ASTN2: variants seen among roughly 807,000 people sequenced by gnomAD.
ASTN2 encodes the protein astrotactin 2, also known as astrotactin-2.
Under a neutral mutation model 139.8 loss-of-function variants are expected in ASTN2, and 54 were observed. The observed-to-expected ratio is 0.39, with a 90% CI of 0.31 to 0.48. ASTN2 has a LOEUF of 0.48. ASTN2 is among the 20% of genes least tolerant of loss of function. The probability of loss-of-function intolerance (pLI) is 0.95; values close to 1 mark genes in which losing one functional copy is unlikely to be tolerated. For missense variants in ASTN2, 1,565 were observed against 1,725.1 expected (o/e 0.91, Z 1.64); for synonymous variants, 756 against 719.5 (o/e 1.05, Z -0.81).
rs1855615621 is a variant in ASTN2, at chr9:116,612,787, C to T, written c.3355+5537G>A. On this transcript the variant is annotated intron_variant, in intron 19 of 22. Transcript: ENST00000313400. ...AAGCAAGAAAGATCTGAAACTGACA[C>T]CCTAACATCATAATTAAAAGAACTA... is the stretch of plus-strand genomic sequence containing the variant. The T allele has an allele frequency of 1.3e-5, 2 of 151,734 alleles. 1 individual carries two copies. Among genetic ancestry groups the T allele is most frequent in the African/African-American group, 4.8e-5 (2 of 41,308 alleles). 9.4% of individuals were successfully genotyped at this position (151,734 alleles called of 1,614,324 possible). A position where few individuals can be genotyped will look rare whatever the true frequency, so the allele number is the denominator to read the frequency against.
intron 2 of ASTN2, among the ~76,000 whole-genome samples, chr9:117,215,165 C>G (rs1832273166): frequency 6.6e-6 from 1 of 152,142 alleles, no homozygotes; most frequent in East Asian, 1.9e-4. Context: ...CTGAGCATCC[C>G]AAGGACAGTT....
chr9:116,967,503 G>A (rs1836046795), intron 10 of ASTN2, among the ~76,000 whole-genome samples: 1 of 152,184 alleles, frequency 6.6e-6, no homozygotes, highest in South Asian at 2.1e-4. Context: ...ATGGACTTGA[G>A]AGTCTACCTG....
intron 11 of ASTN2, among the ~76,000 whole-genome samples, chr9:116,838,941 TG>T (rs1832104620): frequency 6.6e-6 from 1 of 152,198 alleles, no homozygotes; most frequent in African/African-American, 2.4e-5. Context: ...TGGAATTGAT[TG>T]AACATGTTTT....
intron 19 of ASTN2, among the ~76,000 whole-genome samples, chr9:116,569,914 T>C (rs1292594191): frequency 6.6e-6 from 1 of 152,190 alleles, no homozygotes; most frequent in Non-Finnish European, 1.5e-5. Context: ...GAGTCTAATG[T>C]ATTCCGTCAT....
intron 13 of ASTN2, among the ~76,000 whole-genome samples, chr9:116,764,742 T>C (rs1315042304): frequency 6.6e-6 from 1 of 152,214 alleles, no homozygotes; most frequent in African/African-American, 2.4e-5. Context: ...GAGTTTAGAG[T>C]ACAATAAGCT....
rs914390287 is a variant in ASTN2 at position 117,352,528 on chromosome 9, A to C, written c.443-61015T>G. Among the ~76,000 whole-genome samples, 4 of 152,214 alleles carry C rather than the reference A, an allele frequency of 2.6e-5. No individual in the cohort carries two copies. In the East Asian group the frequency reaches 7.7e-4, roughly 29 times the overall value. ...AACAGTTGTTGAGCTTCCAATGCACAGGGATTGAGGCACCAAGGGATAGTA... is the reference window on the plus strand; with the variant it reads ...AACAGTTGTTGAGCTTCCAATGCACCGGGATTGAGGCACCAAGGGATAGTA... On this transcript the variant is annotated intron_variant, in intron 1 of 22. Transcript: ENST00000313400.
chr9:116,977,915 T>C (rs1291740851), intron 7 of ASTN2, among the ~76,000 whole-genome samples: 1 of 151,862 alleles, frequency 6.6e-6, no homozygotes, highest in Admixed American at 6.6e-5. Context: ...TGGGGTTTTG[T>C]TATATTGACC....
intron 9 of ASTN2, among the ~76,000 whole-genome samples, 157 bp downstream of exon 9, chr9:116,975,957 G>C (rs1275748549): frequency 1.3e-5 from 2 of 152,174 alleles, no homozygotes; most frequent in African/African-American, 4.8e-5. Flanking sequence ...ATAGCAACCT[G>C]CGCCATGATG....
chr9:117,290,980 A>T (rs189242469), intron 2 of ASTN2, among the ~76,000 whole-genome samples: 52 of 152,334 alleles, frequency 3.4e-4, no homozygotes, highest in African/African-American at 1.2e-3. Flanking sequence ...TGGAATGGCC[A>T]GTTGTATTCT....
chr9:117,218,353 A>G (rs1832401777), intron 2 of ASTN2, among the ~76,000 whole-genome samples: 1 of 152,186 alleles, frequency 6.6e-6, no homozygotes, highest in African/African-American at 2.4e-5. Flanking sequence ...CCCTGAACTC[A>G]GCTTCCATCA....
At chr9:116,619,210 G>C (rs758956737) in intron 18 of ASTN2, among the ~76,000 whole-genome samples, 11 of 152,052 alleles carry the variant, frequency 7.2e-5, no homozygotes, top group Non-Finnish European at 1.6e-4. Context: ...TCGATTATGG[G>C]ACTTTGTTTT....
At chr9:117,257,500 C>A (rs1297824252) in intron 2 of ASTN2, among the ~76,000 whole-genome samples, 2 of 152,212 alleles carry the variant, frequency 1.3e-5, no homozygotes, top group East Asian at 1.9e-4. Context: ...TAGAGCCATG[C>A]AAGCTGAAGC....
intron 10 of ASTN2, among the ~76,000 whole-genome samples, chr9:116,889,434 GC>G (rs1437650084): frequency 2.6e-5 from 4 of 152,060 alleles, no homozygotes; most frequent in Non-Finnish European, 5.9e-5. Context: ...GCTGCCGCTG[GC>G]CTGTTCACCT....
intron 19 of ASTN2, among the ~76,000 whole-genome samples, chr9:116,528,879 A>C (rs977464309): frequency 6.6e-6 from 1 of 152,224 alleles, no homozygotes; most frequent in African/African-American, 2.4e-5. Flanking sequence ...GATGTGCAGA[A>C]GACAAGAGTT....
At chr9:116,854,367 G>A (rs1442525814) in intron 11 of ASTN2, among the ~76,000 whole-genome samples, 2 of 152,330 alleles carry the variant, frequency 1.3e-5, no homozygotes, top group East Asian at 1.9e-4. Flanking sequence ...GCAGGCATAA[G>A]TAGTATTATC....
intron 6 of ASTN2, among the ~76,000 whole-genome samples, chr9:117,037,104 C>A (rs1389677252): frequency 3.9e-5 from 6 of 152,064 alleles, no homozygotes; most frequent in Non-Finnish European, 8.8e-5. Flanking sequence ...CCATTATGGA[C>A]AAGGCACTGT....
Position 117,141,413 on chromosome 9 carries a change from C to T in ASTN2, c.1081G>A (p.Ala361Thr), listed in dbSNP as rs753224709. The T allele has an allele frequency of 3.7e-5, 51 of 1,367,400 alleles. No homozygotes were observed. Among genetic ancestry groups the T allele is most frequent in the Non-Finnish European group, 4.6e-5 (47 of 1,021,824 alleles). 84.7% of individuals were successfully genotyped at this position (1,367,400 alleles called of 1,614,324 possible). ...LMQKFKESFR[A>T]NTPIEIGQLQ... is the part of the protein sequence containing the mutation. ...TGACCGATCTCGATGGGCGTGTTAG[C>T]GCGGAAACTCTCCTTGAACTTCTGC... The change falls in exon 4 of 23, where the codon GCT (alanine) becomes ACT (threonine). Residue 361 changes from alanine (A) to threonine (T), a missense_variant. Around this residue, in one of 4 missense-constraint regions of ASTN2, gnomAD observed 596 missense variants for 576.8 expected, o/e 1.03. Coordinates refer to ENST00000313400, the MANE Select transcript of ASTN2 (RefSeq NM_001365068.1).
chr9:117,399,931 A>G lies in ASTN2; in HGVS notation c.442+14566T>C, dbSNP rs141530241. Among the ~76,000 whole-genome samples the G allele has an allele frequency of 2.0e-5, 3 of 152,266 alleles. 1 individual carries two copies. Among genetic ancestry groups the G allele is most frequent in the Admixed American group, 1.3e-4 (2 of 15,292 alleles). ...TAGCAATGTCTGTCATGAATACAGA[A>G]GTGGACAGTGGCAGTATGGCCAAAC... On this transcript the variant is annotated intron_variant, in intron 1 of 22. Coordinates refer to ENST00000313400, the MANE Select transcript of ASTN2 (RefSeq NM_001365068.1).
chr9:116,936,364 C>G (rs1187189727), intron 10 of ASTN2, among the ~76,000 whole-genome samples: 2 of 151,436 alleles, frequency 1.3e-5, no homozygotes, highest in Non-Finnish European at 2.9e-5. Flanking sequence ...TCACAGCCAC[C>G]ACTACAACCC....
Sources: allele counts gnomAD v4.1 joint callset (sites outside exome capture counted in the v4.1 genomes callset), GRCh38; gene constraint gnomAD v4.1.1; regional missense constraint gnomAD v4.1.1; transcripts MANE v1.5; gene names NCBI Gene and HGNC (gene_info 2026-07-23, HGNC 2026-07-21).